The following MAZ variants were observed in gnomAD, a reference collection of about 807,000 sequenced individuals.
MAZ encodes MYC associated zinc finger protein.
MAZ carries 4 observed loss-of-function variants against 32.7 expected under a neutral mutation model. The ratio of observed to expected loss-of-function variants is 0.12; its 90% confidence interval spans 0.06 to 0.28. The LOEUF is 0.28. Among genes scored for constraint, MAZ ranks in the 10% least tolerant of loss-of-function variants. MAZ has a pLI of 1.00. For synonymous variants in MAZ, 510 were observed against 297.6 expected, an observed-to-expected ratio of 1.71 and a Z score of -7.35; for missense variants, 763 against 667.2, an observed-to-expected ratio of 1.14 and a Z score of -1.58.
At chr16:29,808,127 C>T (rs569019920) in intron 2 of MAZ, 103 bp from the exon 3 acceptor site, 25 of 1,138,604 alleles carry the variant, frequency 2.2e-5, no homozygotes, top group Admixed American at 3.7e-5. Context: ...ACGGCCTGGG[C>T]TCCGGGAGGA....
At chr16:29,807,955 C>A in intron 2 of MAZ, 127 bp downstream of exon 2, 1 of 1,463,782 alleles carries the variant, frequency 6.8e-7, no homozygotes, top group Non-Finnish European at 9.1e-7. Context: ...ACTCCCAGGG[C>A]GGAGGGAGGA....
Position 29,810,418 on chromosome 16 carries a change from C to T in MAZ, c.*187C>T, listed in dbSNP as rs1449948805. On this transcript the variant is annotated 3_prime_UTR_variant, in exon 5 of 5. Transcript: ENST00000322945. ...TTAACGATTTGTTTCTCCTGCTCCT[C>T]TTCTGTCAGACCTGACCCCACACAA... 15 of 753,750 alleles carry T rather than the reference C, an allele frequency of 2.0e-5. 1 individual carries two copies. The highest frequency in any genetic ancestry group is 3.5e-5 in the Non-Finnish European group (15 of 431,728). The allele number at this position is 753,750 out of a possible 1,614,324, so 46.7% of individuals were successfully genotyped here.
At position 29,807,432 on chromosome 16, in the gene MAZ, A is replaced by G; in HGVS notation, c.647A>G (p.Lys216Arg). 3.1e-6 allele frequency: 5 copies of G among 1,612,318 alleles called. No homozygotes were observed. The highest frequency in any genetic ancestry group is 4.2e-6 in the Non-Finnish European group (5 of 1,179,694). The change falls in exon 2 of 5, where the codon AAG becomes AGG. Residue 216 changes from lysine to arginine, a missense_variant. Physicochemically the swap from Lys to Arg is conservative, Grantham distance 26. Coordinates refer to ENST00000322945, the MANE Select transcript of MAZ (RefSeq NM_002383.4). ...RRHEAIHTGA[K>R]AGRVPSGAMK... ...CACGAAGCCATCCACACGGGAGCCA[A>G]GGCCGGCCGGGTCCCCTCGGGTGCT...
Position 29,810,357 on chromosome 16 carries a change from A to C in MAZ, c.*126A>C. 9.9e-7 allele frequency: 1 copy of C among 1,006,874 alleles called. No homozygotes were observed. Among genetic ancestry groups the C allele is most frequent in the Non-Finnish European group, 1.5e-6 (1 of 660,456 alleles). The allele number at this position is 1,006,874 out of a possible 1,614,324, so 62.4% of individuals were successfully genotyped here. The stretch of plus-strand genomic sequence containing the variant: ...ACCAAGGAGCCTCCAGAAGGAAAGG[A>C]GGAAGAAATGTTTTCTTAGGGGAAT... On this transcript the variant is annotated 3_prime_UTR_variant, in exon 5 of 5. Coordinates refer to ENST00000322945, the MANE Select transcript of MAZ (RefSeq NM_002383.4).
Position 29,810,126 on chromosome 16 carries a change from G to C in MAZ, c.1329G>C (p.Ala443=), listed in dbSNP as rs769828163. ...CGGCGGCAGCGGCAGCGGCGGCAGC[G>C]GCAGCAGCGGCAGCAGTAGCAGCCC... ...PMAAAAAAAA[A]AAAAAVAAPP... Residue 443 remains alanine, a synonymous_variant, in exon 5 of 5, where the codon GCG becomes GCC. Coordinates refer to ENST00000322945, the MANE Select transcript of MAZ (RefSeq NM_002383.4). 4.4e-6 allele frequency: 7 copies of C among 1,591,478 alleles called. No homozygotes were observed. In the South Asian group the frequency reaches 5.6e-5, roughly 13 times the overall value.
upstream of MAZ, chr16:29,806,528 C>A: frequency 4.3e-6 from 3 of 700,484 alleles, no homozygotes; most frequent in Non-Finnish European, 5.2e-6. Context: ...CGCAAGGCGC[C>A]CTCTTTTCCT....
At chr16:29,809,435 G>C in intron 4 of MAZ, 1 of 747,544 alleles carries the variant, frequency 1.3e-6, no homozygotes, top group Non-Finnish European at 2.3e-6. Context: ...CGTGGGAGGA[G>C]GACAGGGCCA....
intron 4 of MAZ, 156 bp from the exon 5 acceptor site, chr16:29,809,921 C>G (rs1333175810): frequency 2.3e-6 from 3 of 1,287,044 alleles, no homozygotes; most frequent in Non-Finnish European, 3.2e-6. Context: ...GAGAACTGCT[C>G]TGTCTGGGTG....
Position 29,810,114 on chromosome 16 carries a change from AGCG to A in MAZ, c.1323_1325del (p.Ala448del), listed in dbSNP as rs374878500. ...TTTGTCCAATGGCGGCGGCAGCGGC[AGCG>A]GCGGCAGCGGCAGCAGCGGCAGCAG... On this transcript the variant is annotated inframe_deletion, in exon 5 of 5. Transcript: ENST00000322945. The A allele has an allele frequency of 7.8e-6, 12 of 1,532,762 alleles. No homozygotes were observed. Among genetic ancestry groups the A allele is most frequent in the Middle Eastern group, 1.9e-4 (1 of 5,176 alleles). The allele number at this position is 1,532,762 out of a possible 1,614,324, so 94.9% of individuals were successfully genotyped here. A position where few individuals can be genotyped will look rare whatever the true frequency, so the allele number is the denominator to read the frequency against.
In MAZ at chr16:29,808,263, G is replaced by C. The variant is rs1158670064; in HGVS notation, c.1077G>C (p.Val359=). The change falls in exon 3 of 5, where the codon GTG becomes GTC. Residue 359 remains valine (V), a synonymous_variant. Transcript: ENST00000322945. The part of the protein sequence containing the change: ...PDHLNSHVRQ[V]HSTERPFKCE... ...ACCTCAACAGTCACGTCAGACAAGT[G>C]CACTCAACAGAACGGCCCTTCAAAT... The C allele has an allele frequency of 6.2e-7, 1 of 1,614,090 alleles. No individual in the cohort carries two copies. The highest frequency in any genetic ancestry group is 1.1e-5 in the South Asian group (1 of 91,080).
rs1324061361 is a variant in MAZ, at chr16:29,806,608, C to G, written c.-94C>G. Reference sequence around the variant, plus strand: ...GCCATGCGTTCGGCGCGGCCCAGCCCGGCCGGCCGGGGGCGGCGCCCCGAG... The same window carrying G: ...GCCATGCGTTCGGCGCGGCCCAGCCGGGCCGGCCGGGGGCGGCGCCCCGAG... On this transcript the variant is annotated 5_prime_UTR_variant, in exon 1 of 5. Coordinates refer to ENST00000322945, the MANE Select transcript of MAZ (RefSeq NM_002383.4). 9.0e-5 allele frequency: 87 copies of G among 966,970 alleles called. No individual in the cohort carries two copies. Among genetic ancestry groups the G allele is most frequent in the Admixed American group, 1.9e-4 (3 of 15,484 alleles). The allele number at this position is 966,970 out of a possible 1,614,324, so 59.9% of individuals were successfully genotyped here.
In MAZ at chr16:29,808,391, T is replaced by C. The variant is rs1370479688; in HGVS notation, c.1107+98T>C. On this transcript the variant is annotated intron_variant, in intron 3 of 4. Coordinates refer to ENST00000322945, the MANE Select transcript of MAZ (RefSeq NM_002383.4). The stretch of plus-strand genomic sequence containing the variant: ...TCAGACCCCCTTTTTCTCTCTCTTC[T>C]TTTTGCCTTTTTGCTCCATTTTCTC... 8 of 1,221,970 alleles carry C rather than the reference T, an allele frequency of 6.5e-6. No homozygotes were observed. The East Asian group carries it at 1.4e-4, about 22-fold the overall frequency. The allele number at this position is 1,221,970 out of a possible 1,614,324, so 75.7% of individuals were successfully genotyped here.
chr16:29,808,498 T>C (rs1360184767), intron 3 of MAZ, 72 bp from the exon 4 acceptor site: 2 of 1,094,352 alleles, frequency 1.8e-6, no homozygotes, highest in Non-Finnish European at 2.7e-6. Flanking sequence ...TTTAATCTCT[T>C]GCTCCCCCCT....
chr16:29,809,572 G>A (rs749309062), intron 4 of MAZ: 2 of 1,609,990 alleles, frequency 1.2e-6, no homozygotes, highest in East Asian at 2.2e-5. Flanking sequence ...GCGCATCCAC[G>A]CGGTGAAGGA....
intron 4 of MAZ, chr16:29,809,859 T>C (rs1214556654): frequency 1.0e-6 from 1 of 973,260 alleles, no homozygotes; most frequent in African/African-American, 1.6e-5. Flanking sequence ...AGGCGAGGGA[T>C]GCCCATGTAC....
In MAZ at chr16:29,807,132, C is replaced by T; in HGVS notation, c.347C>T (p.Pro116Leu). 2.9e-6 allele frequency: 3 copies of T among 1,039,338 alleles called. No homozygotes were observed. The highest frequency in any genetic ancestry group is 3.6e-6 in the Non-Finnish European group (3 of 844,984). The allele number at this position is 1,039,338 out of a possible 1,614,324, so 64.4% of individuals were successfully genotyped here. ...AAAVAAAPPA[P>L]AAASTVDTAA... ...GCCGTCGCTGCCGCGCCCCCGGCCC[C>T]TGCCGCCGCCTCTACGGTGGACACA... Residue 116 changes from proline to leucine, a missense_variant, in exon 2 of 5, where the codon CCT becomes CTT. Physicochemically the swap from Pro to Leu is moderately conservative, Grantham distance 98. Transcript: ENST00000322945.
intron 2 of MAZ, 182 bp from the exon 3 acceptor site, chr16:29,808,045 GGGA>G (rs751394096): frequency 1.0e-5 from 11 of 1,048,372 alleles, no homozygotes; most frequent in Middle Eastern, 5.4e-4. Context: ...AGCTTCGCGT[GGGA>G]GGAGGCGGCG....
rs1217211525 is a variant in MAZ, at chr16:29,808,611, G to A, written c.1149G>A (p.Ala383=). 1 of 1,613,042 alleles carries A rather than the reference G, an allele frequency of 6.2e-7. No individual in the cohort carries two copies. Among genetic ancestry groups the A allele is most frequent in the Admixed American group, 1.7e-5 (1 of 59,906 alleles). ...AAFATKDRLR[A]HTVRHEEKVP... is the part of the protein sequence containing the mutation. ...TCGCCACGAAGGATCGGCTGCGGGC[G>A]CACACAGTACGACACGAGGAGAAAG... Residue 383 remains alanine (A), a synonymous_variant, in exon 4 of 5, where the codon GCG becomes GCA. Coordinates refer to ENST00000322945, the MANE Select transcript of MAZ (RefSeq NM_002383.4).
rs758356460 is a variant in MAZ, at chr16:29,807,079, T to TGCTGCGGCC, written c.300_308dup (p.Ala106_Ala108dup). On this transcript the variant is annotated inframe_insertion, in exon 2 of 5. Transcript: ENST00000322945. ...CCGCCGCCCAGGAGTCCGCCGCGGC[T>TGCTGCGGCC]GCTGCGGCCGCTGCCGCCGCTGCTG... 14 of 1,012,028 alleles carry TGCTGCGGCC rather than the reference T, an allele frequency of 1.4e-5. No homozygotes were observed. The highest frequency in any genetic ancestry group is 1.7e-5 in the Non-Finnish European group (14 of 848,206). The allele number at this position is 1,012,028 out of a possible 1,614,324, so 62.7% of individuals were successfully genotyped here.
Sources: allele counts gnomAD v4.1 joint callset, GRCh38; gene constraint gnomAD v4.1.1; transcripts MANE v1.5; gene names NCBI Gene and HGNC (gene_info 2026-07-23, HGNC 2026-07-21).